Variants in SHPK observed in about 807,000 individuals in gnomAD.
SHPK encodes sedoheptulokinase.
A neutral mutation model predicts 46.3 loss-of-function variants in SHPK; 51 were observed. That is an observed-to-expected ratio of 1.10 (90% CI 0.88 to 1.39). SHPK has a LOEUF of 1.39. Ranked by LOEUF, SHPK falls within the 40% of genes most tolerant of loss-of-function variation. The pLI, the probability that SHPK is intolerant of heterozygous loss-of-function variation, is 0.00. For missense variants in SHPK, 668 were observed against 641.3 expected, an observed-to-expected ratio of 1.04 and a Z score of -0.45; for synonymous variants, 290 against 273.9, an observed-to-expected ratio of 1.06 and a Z score of -0.58.
chr17:3,625,538 C>T (rs1169949282), intron 2 of SHPK, among the ~76,000 whole-genome samples: 1 of 152,156 alleles, frequency 6.6e-6, no homozygotes, highest in African/African-American at 2.4e-5. Context: ...TCCAGCCTTC[C>T]CACCAAGGTA....
chr17:3,624,021 C>A (rs1253129373), intron 3 of SHPK, 27 bp downstream of exon 3: 1 of 1,580,734 alleles, frequency 6.3e-7, no homozygotes, highest in Admixed American at 1.7e-5. Flanking sequence ...AAACCCAGCA[C>A]CCGAGTGAAA....
intron 6 of SHPK, among the ~76,000 whole-genome samples, chr17:3,613,730 C>CTT (rs957261370): frequency 6.8e-6 from 1 of 148,100 alleles, no homozygotes; most frequent in Non-Finnish European, 1.5e-5. Flanking sequence ...AAAAAGTTTT[C>CTT]TTTTTTTTTT....
chr17:3,610,391 T>A lies in SHPK; in HGVS notation c.*169A>T. The A allele has an allele frequency of 8.7e-6, 6 of 686,882 alleles. No individual in the cohort carries two copies. Among genetic ancestry groups the A allele is most frequent in the Non-Finnish European group, 1.2e-5 (5 of 418,674 alleles). 42.5% of individuals were successfully genotyped at this position (686,882 alleles called of 1,614,324 possible). A position where few individuals can be genotyped will look rare whatever the true frequency, so the allele number is the denominator to read the frequency against. On this transcript the variant is annotated 3_prime_UTR_variant, in exon 7 of 7. Transcript: ENST00000225519. ...TCTGGCTGACGGCTCCTGGCTGCATTATTAGAGTATGTTCTGAAGGTAAGT... is the reference window on the plus strand; with the variant it reads ...TCTGGCTGACGGCTCCTGGCTGCATAATTAGAGTATGTTCTGAAGGTAAGT...
chr17:3,610,411 G>GT lies in SHPK; in HGVS notation c.*148dup, dbSNP rs956057137. On this transcript the variant is annotated 3_prime_UTR_variant, in exon 7 of 7. Transcript: ENST00000225519. ...TGCATTATTAGAGTATGTTCTGAAGGTAAGTTCTTGGCCGAGATGGGACCT... is the reference window on the plus strand; with the variant it reads ...TGCATTATTAGAGTATGTTCTGAAGGTTAAGTTCTTGGCCGAGATGGGACCT... 1 of 795,734 alleles carries GT rather than the reference G, an allele frequency of 1.3e-6. No individual in the cohort carries two copies. The highest frequency in any genetic ancestry group is 1.7e-5 in the African/African-American group (1 of 58,054). The allele number at this position is 795,734 out of a possible 1,614,324, so 49.3% of individuals were successfully genotyped here.
rs2075334303 is a variant in SHPK at position 3,610,793 on chromosome 17, G to A, written c.1204C>T (p.Leu402=). The change falls in exon 7 of 7, where the codon CTG becomes TTG. Residue 402 remains leucine, a synonymous_variant. Transcript: ENST00000225519. ...DLSLGHVTRA[L]CRGIVQNLHS... is the part of the protein sequence containing the mutation. ...AGGTTCTGAACAATGCCTCGGCACA[G>A]AGCCCGGGTCACGTGCCCCAGGGAG... 4 of 1,614,048 alleles carry A rather than the reference G, an allele frequency of 2.5e-6. No individual in the cohort carries two copies. In the Admixed American group the frequency reaches 5.0e-5, roughly 20 times the overall value.
At position 3,632,208 on chromosome 17, in the gene SHPK, G is replaced by A. The variant is rs545115147; in HGVS notation, c.169-1862C>T. On this transcript the variant is annotated intron_variant, in intron 1 of 6. Coordinates refer to ENST00000225519, the MANE Select transcript of SHPK (RefSeq NM_013276.4). ...TTGACCTCGTGATTCGCCCGCCTCG[G>A]CCTCCCAAAGTGCTGGCATTACAGG... Among the ~76,000 whole-genome samples, 262 of 152,264 alleles carry A rather than the reference G, an allele frequency of 1.7e-3. 2 individuals are homozygous for A. Among genetic ancestry groups the A allele is most frequent in the African/African-American group, 5.9e-3 (246 of 41,564 alleles).
chr17:3,636,196 G>A lies in SHPK; in HGVS notation c.24C>T (p.Leu8=), dbSNP rs765618676. 5 of 1,606,480 alleles carry A rather than the reference G, an allele frequency of 3.1e-6. No homozygotes were observed. The highest frequency in any genetic ancestry group is 2.2e-5 in the South Asian group (2 of 90,592). The stretch of plus-strand genomic sequence containing the variant: ...CAGATGTGGTGCCCAGGTCAATGCC[G>A]AGGGTGATCGGCCGCGCAGCCATTA... MAARPIT[L]GIDLGTTSVK... The change falls in exon 1 of 7, where the codon CTC becomes CTT. Residue 8 remains leucine (L), a synonymous_variant. Coordinates refer to ENST00000225519, the MANE Select transcript of SHPK (RefSeq NM_013276.4).
chr17:3,610,780 A>G lies in SHPK; in HGVS notation c.1217T>C (p.Ile406Thr). ...AAGCATGGAGTGCAGGTTCTGAACAATGCCTCGGCACAGAGCCCGGGTCAC... is the reference window on the plus strand; with the variant it reads ...AAGCATGGAGTGCAGGTTCTGAACAGTGCCTCGGCACAGAGCCCGGGTCAC... ...GHVTRALCRG[I>T]VQNLHSMLPI... Residue 406 changes from isoleucine to threonine, a missense_variant, in exon 7 of 7, where the codon ATT becomes ACT. Transcript: ENST00000225519. 1 of 1,614,048 alleles carries G rather than the reference A, an allele frequency of 6.2e-7. No homozygotes were observed. The highest frequency in any genetic ancestry group is 8.5e-7 in the Non-Finnish European group (1 of 1,179,976).
At chr17:3,616,214 G>C (rs190446854) in intron 5 of SHPK, among the ~76,000 whole-genome samples, 46 of 152,264 alleles carry the variant, frequency 3.0e-4, no homozygotes, top group African/African-American at 9.6e-4. Context: ...GCTGGACTTA[G>C]TGACTCACTT....
Position 3,615,444 on chromosome 17 carries a change from T to G in SHPK, c.917A>C (p.Tyr306Ser). The G allele has an allele frequency of 6.2e-7, 1 of 1,614,114 alleles. No homozygotes were observed. The highest frequency in any genetic ancestry group is 8.5e-7 in the Non-Finnish European group (1 of 1,180,002). ...QTPDPTAPVA[Y>S]FPYFNRTYLG... Reference sequence around the variant, plus strand: ...GTAGGTCCTGTTGAAGTATGGGAAGTAGGCGACTGGGGCCGTAGGGTCTGG... The same window carrying G: ...GTAGGTCCTGTTGAAGTATGGGAAGGAGGCGACTGGGGCCGTAGGGTCTGG... The change falls in exon 6 of 7, where the codon TAC (tyrosine) becomes TCC (serine). Residue 306 changes from tyrosine to serine, a missense_variant. Physicochemically the swap from Tyr to Ser is moderately radical, Grantham distance 144. Coordinates refer to ENST00000225519, the MANE Select transcript of SHPK (RefSeq NM_013276.4).
intron 1 of SHPK, among the ~76,000 whole-genome samples, chr17:3,634,495 C>A (rs1397759483): frequency 6.6e-6 from 1 of 150,904 alleles, no homozygotes; most frequent in Non-Finnish European, 1.5e-5. Context: ...TCACTTGAAC[C>A]CGGGAGGCAG....
rs566509803 is a variant in SHPK at position 3,615,555 on chromosome 17, C to T, written c.824-18G>A. On this transcript the variant is annotated intron_variant, in intron 5 of 6. Coordinates refer to ENST00000225519, the MANE Select transcript of SHPK (RefSeq NM_013276.4). ...GTTGAGAACTGGGGTCCGAAGAGAG[C>T]AGAGCTTAGGCCTGTCGGGCTAACT... 9.3e-6 allele frequency: 15 copies of T among 1,612,198 alleles called. No homozygotes were observed. The highest frequency in any genetic ancestry group is 1.3e-5 in the Non-Finnish European group (15 of 1,178,630).
intron 5 of SHPK, among the ~76,000 whole-genome samples, chr17:3,621,024 T>C (rs1271569580): frequency 6.6e-6 from 1 of 152,184 alleles, no homozygotes; most frequent in African/African-American, 2.4e-5. Flanking sequence ...TGGTTGGTGC[T>C]CAGGGACAGA....
In SHPK at chr17:3,623,363, T is replaced by C. The variant is rs1162564695; in HGVS notation, c.623A>G (p.Gln208Arg). The C allele has an allele frequency of 6.2e-7, 1 of 1,614,178 alleles. No homozygotes were observed. Residue 208 changes from glutamine (Q) to arginine (R), a missense_variant, in exon 4 of 7, where the codon CAG becomes CGG. Transcript: ENST00000225519. ...NAASWGYFNT[Q>R]SQSWNVETLR... is the part of the protein sequence containing the mutation. ...CGTCTCTACGTTCCAGCTTTGGCTC[T>C]GCGTGTTGAAATAGCCCCAGCTGGC... is the stretch of plus-strand genomic sequence containing the variant.
chr17:3,610,384 G>A lies in SHPK; in HGVS notation c.*176C>T, dbSNP rs752273207. On this transcript the variant is annotated 3_prime_UTR_variant, in exon 7 of 7. Transcript: ENST00000225519. ...TTTGGGATCTGGCTGACGGCTCCTG[G>A]CTGCATTATTAGAGTATGTTCTGAA... 30 of 652,558 alleles carry A rather than the reference G, an allele frequency of 4.6e-5. 1 individual carries two copies. Among genetic ancestry groups the A allele is most frequent in the Middle Eastern group, 7.4e-4 (2 of 2,686 alleles). The allele number at this position is 652,558 out of a possible 1,614,324, so 40.4% of individuals were successfully genotyped here. A position where few individuals can be genotyped will look rare whatever the true frequency, so the allele number is the denominator to read the frequency against.
At position 3,609,254 on chromosome 17, in the gene SHPK, A is replaced by G. The variant is rs968587475; in HGVS notation, c.*1306T>C. The G allele has an allele frequency of 1.3e-5, 2 of 152,186 alleles. No individual in the cohort carries two copies. Among genetic ancestry groups the G allele is most frequent in the Admixed American group, 1.3e-4 (2 of 15,274 alleles). The allele number at this position is 152,186 out of a possible 1,614,324, so 9.4% of individuals were successfully genotyped here. On this transcript the variant is annotated 3_prime_UTR_variant, in exon 7 of 7. Transcript: ENST00000225519. ...CATTTGCTCTCATCTTAGAGCTTCC[A>G]GATAATCACATAATTTGTAAAATGA...
In SHPK at chr17:3,611,002, C is replaced by A. The variant is rs116156506; in HGVS notation, c.1025-30G>T. 2,873 of 1,568,314 alleles carry A rather than the reference C, an allele frequency of 1.8e-3. 31 individuals carry two copies. The African/African-American group carries it at 0.024, about 13-fold the overall frequency. The stretch of plus-strand genomic sequence containing the variant: ...CAGAGACAGAGAAGATCTGTGTAAG[C>A]TCATGCGTCCCCCTCAGTGCAGGCT... On this transcript the variant is annotated intron_variant, in intron 6 of 6. Transcript: ENST00000225519.
At chr17:3,619,117 A>G (rs1052181514) in intron 5 of SHPK, 3 of 271,512 alleles carry the variant, frequency 1.1e-5, no homozygotes, top group Non-Finnish European at 2.1e-5. Context: ...CTAAATTTAC[A>G]TAACTTAAAT....
intron 1 of SHPK, among the ~76,000 whole-genome samples, chr17:3,634,343 G>A (rs891050605): frequency 6.6e-6 from 1 of 151,768 alleles, no homozygotes; most frequent in African/African-American, 2.4e-5. Flanking sequence ...ACCGAGGCAG[G>A]CAGATCAGTT....
Sources: allele counts gnomAD v4.1 joint callset (sites outside exome capture counted in the v4.1 genomes callset), GRCh38; gene constraint gnomAD v4.1.1; transcripts MANE v1.5; gene names NCBI Gene and HGNC (gene_info 2026-07-23, HGNC 2026-07-21).